Variants in ATP2B2 observed in about 807,000 individuals in gnomAD.
ATP2B2 encodes the protein ATPase plasma membrane Ca2+ transporting 2.
In ATP2B2, 15 loss-of-function variants were observed where a neutral mutation model predicts 120.0. That is an observed-to-expected ratio of 0.12 (90% CI 0.08 to 0.19). ATP2B2 has a LOEUF of 0.19. Ranked by LOEUF, ATP2B2 falls within the 10% of genes least tolerant of loss-of-function variation. ATP2B2 has a pLI of 1.00. For missense variants in ATP2B2, 1,045 were observed against 1,719.8 expected (o/e 0.61, Z 6.94); for synonymous variants, 694 against 700.3 (o/e 0.99, Z 0.14).
rs538576734 is a variant in ATP2B2, at chr3:10,364,642, C to T, written c.1660-4519G>A. On this transcript the variant is annotated intron_variant, in intron 12 of 22. Coordinates refer to ENST00000360273, the MANE Select transcript of ATP2B2 (RefSeq NM_001001331.4). ...AGGAGAATCACACAAACCCGGGAGG[C>T]GGAGGTTGCAGTGAGCCAAAATTGT... Among the ~76,000 whole-genome samples, 99 of 152,026 alleles carry T rather than the reference C, an allele frequency of 6.5e-4. 1 individual carries two copies. Among genetic ancestry groups the T allele is most frequent in the African/African-American group, 2.1e-3 (89 of 41,452 alleles).
chr3:10,467,101 A>G (rs964540789), intron 1 of ATP2B2, among the ~76,000 whole-genome samples: 9 of 152,244 alleles, frequency 5.9e-5, no homozygotes, highest in Non-Finnish European at 1.3e-4. Context: ...CTGACTTGTG[A>G]TAAGTCTTTG....
At chr3:10,590,177 T>C (rs1398291555) in intron 2 of ATP2B2, among the ~76,000 whole-genome samples, 1 of 152,206 alleles carries the variant, frequency 6.6e-6, no homozygotes, top group Non-Finnish European at 1.5e-5. Flanking sequence ...CTTACATTGA[T>C]ATGATATGAT....
At chr3:10,675,334 A>G (rs1259992869) in intron 1 of ATP2B2, among the ~76,000 whole-genome samples, 1 of 152,214 alleles carries the variant, frequency 6.6e-6, no homozygotes, top group East Asian at 1.9e-4. Flanking sequence ...TGTGAATGGA[A>G]TCGTTGACCA....
intron 2 of ATP2B2, among the ~76,000 whole-genome samples, chr3:10,577,125 A>G (rs2068272132): frequency 1.3e-5 from 2 of 151,672 alleles, no homozygotes; most frequent in South Asian, 2.1e-4. Context: ...TCACCTAGGA[A>G]CTTGATGGAA....
chr3:10,464,933 C>G (rs528079933), intron 1 of ATP2B2, among the ~76,000 whole-genome samples: 1 of 152,358 alleles, frequency 6.6e-6, no homozygotes, highest in East Asian at 1.9e-4. Context: ...GAGGACTCAC[C>G]TTCCTAAGCC....
intron 1 of ATP2B2, among the ~76,000 whole-genome samples, chr3:10,634,157 C>G (rs148054666): frequency 1.5e-4 from 23 of 152,328 alleles, no homozygotes; most frequent in Non-Finnish European, 7.3e-5. Context: ...GAGTTCCTTT[C>G]TGAATCAACC....
intron 2 of ATP2B2, among the ~76,000 whole-genome samples, chr3:10,414,405 T>C (rs1186537945): frequency 6.6e-6 from 1 of 152,004 alleles, no homozygotes; most frequent in Non-Finnish European, 1.5e-5. Context: ...GGCTGCAAAT[T>C]TGAATAGGTG....
intron 12 of ATP2B2, among the ~76,000 whole-genome samples, chr3:10,361,746 G>A (rs2060906723): frequency 6.6e-6 from 1 of 152,194 alleles, no homozygotes; most frequent in South Asian, 2.1e-4. Flanking sequence ...ATATCTCCTT[G>A]TTTTTGAAAA....
intron 3 of ATP2B2, among the ~76,000 whole-genome samples, chr3:10,515,290 A>G (rs1358796999): frequency 6.6e-6 from 1 of 152,234 alleles, no homozygotes; most frequent in Admixed American, 6.5e-5. Context: ...TACATGGCAC[A>G]TAGTGGGTGT....
intron 1 of ATP2B2, among the ~76,000 whole-genome samples, chr3:10,633,731 C>G (rs1455575979): frequency 6.6e-6 from 1 of 152,192 alleles, no homozygotes; most frequent in Admixed American, 6.5e-5. Context: ...CTCTGAGCAA[C>G]AAAGCTTAGG....
chr3:10,606,880 A>AACACACACACACACACACAC lies in ATP2B2; in HGVS notation c.-415+13017_-415+13036dup, dbSNP rs147614282. On this transcript the variant is annotated intron_variant, in intron 2 of 21. Coordinates refer to the ATP2B2 transcript ENST00000646379. ...AACGTAAGTGTAATGACGGAGTCTAAACACACACACACACACACACACACA... is the reference window on the plus strand; with the variant it reads ...AACGTAAGTGTAATGACGGAGTCTAAACACACACACACACACACACACACACACACACACACACACACACA... Among the ~76,000 whole-genome samples, 15 of 100,086 alleles carry AACACACACACACACACACAC rather than the reference A, an allele frequency of 1.5e-4. 1 individual carries two copies. The highest frequency in any genetic ancestry group is 6.1e-4 in the Admixed American group (5 of 8,134). 65.7% of individuals were successfully genotyped at this position (100,086 alleles called of 152,430 possible).
intron 2 of ATP2B2, among the ~76,000 whole-genome samples, chr3:10,536,077 T>G (rs1301836868): frequency 1.3e-5 from 2 of 152,206 alleles, no homozygotes; most frequent in Non-Finnish European, 2.9e-5. Flanking sequence ...CTGATAGGTG[T>G]GTAATAATAT....
At chr3:10,385,470 A>C in intron 7 of ATP2B2, 143 bp from the exon 8 acceptor site, 2 of 705,554 alleles carry the variant, frequency 2.8e-6, no homozygotes, top group Non-Finnish European at 2.5e-6. Flanking sequence ...AAGAAACTCA[A>C]ATTTGGGGTG....
chr3:10,589,908 C>T (rs1268736552), intron 2 of ATP2B2, among the ~76,000 whole-genome samples: 3 of 152,208 alleles, frequency 2.0e-5, no homozygotes, highest in Non-Finnish European at 4.4e-5. Flanking sequence ...AAACCTACCA[C>T]ATAATTCAGC....
chr3:10,693,496 T>G (rs1021958514), intron 1 of ATP2B2, among the ~76,000 whole-genome samples: 2 of 152,230 alleles, frequency 1.3e-5, no homozygotes, highest in Non-Finnish European at 2.9e-5. Context: ...TAACTCCCAG[T>G]AAAGTACACA....
At chr3:10,673,993 T>C (rs888347067) in intron 1 of ATP2B2, among the ~76,000 whole-genome samples, 8 of 140,906 alleles carry the variant, frequency 5.7e-5, no homozygotes, top group South Asian at 2.3e-4. Context: ...AGTGGTTTTA[T>C]AAAAAAAAAA....
Position 10,450,596 on chromosome 3 carries a change from A to G in ATP2B2, c.-319-734T>C, listed in dbSNP as rs2064004205. On this transcript the variant is annotated intron_variant, in intron 1 of 22. Transcript: ENST00000360273. ...GGCCTGGCCAAAGAAGCCAGGTCAT[A>G]CATAGTCACAAGAATGTCATTGAGC... 3.3e-5 allele frequency among the ~76,000 whole-genome samples: 5 copies of G among 152,314 alleles called. No homozygotes were observed. The South Asian group carries it at 1.0e-3, about 32-fold the overall frequency.
intron 16 of ATP2B2, 28 bp downstream of exon 16, chr3:10,350,084 G>A (rs368320701): frequency 5.0e-6 from 8 of 1,610,236 alleles, no homozygotes; most frequent in African/African-American, 1.3e-5. Flanking sequence ...CTGGGCTTCA[G>A]GATTGCCCGT....
At chr3:10,592,587 C>T (rs1169899557) in intron 2 of ATP2B2, among the ~76,000 whole-genome samples, 1 of 152,228 alleles carries the variant, frequency 6.6e-6, no homozygotes, top group Non-Finnish European at 1.5e-5. Flanking sequence ...ATCTCCAGGG[C>T]CTTGTCCCTT....
Sources: allele counts gnomAD v4.1 joint callset (sites outside exome capture counted in the v4.1 genomes callset), GRCh38; gene constraint gnomAD v4.1.1; transcripts MANE v1.5; gene names NCBI Gene and HGNC (gene_info 2026-07-23, HGNC 2026-07-21).